Variants in GRIA4 observed in about 807,000 individuals in gnomAD.
The protein encoded by GRIA4 is glutamate receptor 4.
Under a neutral mutation model 104.0 loss-of-function variants are expected in GRIA4, and 34 were observed. That is an observed-to-expected ratio of 0.33 (90% CI 0.25 to 0.44). The LOEUF is 0.44. Ranked by LOEUF, GRIA4 falls within the 20% of genes least tolerant of loss-of-function variation. The pLI is 1.00. For synonymous variants in GRIA4, 386 were observed against 381.9 expected, an observed-to-expected ratio of 1.01 and a Z score of -0.13; for missense variants, 750 against 1,096.5, an observed-to-expected ratio of 0.68 and a Z score of 4.46.
intron 3 of GRIA4, among the ~76,000 whole-genome samples, chr11:105,617,921 G>A (rs968020715): frequency 6.6e-6 from 1 of 151,986 alleles, no homozygotes; most frequent in Non-Finnish European, 1.5e-5. Flanking sequence ...GAGAGAGATG[G>A]ACACGGAAAT....
In GRIA4 at chr11:105,972,669, A is replaced by T. The variant is rs796834230; in HGVS notation, c.2409+641A>T. ...ATTCTTTTTTAAACAATGCAGGAAA[A>T]AAATAAAAAATGCAGGAACCTATAT... On this transcript the variant is annotated intron_variant, in intron 15 of 16. Transcript: ENST00000282499. Among the ~76,000 whole-genome samples the T allele has an allele frequency of 3.3e-5, 5 of 152,176 alleles. No individual in the cohort carries two copies. In the South Asian group the frequency reaches 1.0e-3, roughly 31 times the overall value.
At chr11:105,758,614 T>A (rs939104747) in intron 4 of GRIA4, among the ~76,000 whole-genome samples, 1 of 152,174 alleles carries the variant, frequency 6.6e-6, no homozygotes. Context: ...GAATTTTCCC[T>A]TTTACTACAA....
At chr11:105,629,423 T>C (rs909535077) in intron 3 of GRIA4, among the ~76,000 whole-genome samples, 64 of 152,068 alleles carry the variant, frequency 4.2e-4, no homozygotes, top group African/African-American at 1.5e-3. Flanking sequence ...AAACTCATGA[T>C]TTAGAGATTT....
chr11:105,819,113 C>T (rs184484064), intron 4 of GRIA4, among the ~76,000 whole-genome samples: 1 of 152,216 alleles, frequency 6.6e-6, no homozygotes, highest in African/African-American at 2.4e-5. Context: ...TCCTTTGAGG[C>T]ATGGTGAAAC....
At chr11:105,756,406 C>T (rs930629392) in intron 4 of GRIA4, among the ~76,000 whole-genome samples, 10 of 152,198 alleles carry the variant, frequency 6.6e-5, no homozygotes, top group South Asian at 4.2e-4. Flanking sequence ...TCCTAATTAC[C>T]GCATTCCACC....
At chr11:105,777,201 C>A (rs1591237818) in intron 4 of GRIA4, among the ~76,000 whole-genome samples, 1 of 152,188 alleles carries the variant, frequency 6.6e-6, no homozygotes, top group Non-Finnish European at 1.5e-5. Context: ...CAATAGAGTT[C>A]TTCTTTAATG....
chr11:105,636,979 T>A (rs944782676), intron 3 of GRIA4, among the ~76,000 whole-genome samples: 2 of 152,148 alleles, frequency 1.3e-5, no homozygotes, highest in African/African-American at 2.4e-5. Context: ...AACAATTACC[T>A]CAGCATGTTG....
At chr11:105,836,179 T>C (rs1944177490) in intron 4 of GRIA4, among the ~76,000 whole-genome samples, 1 of 152,088 alleles carries the variant, frequency 6.6e-6, no homozygotes, top group Admixed American at 6.6e-5. Flanking sequence ...TTATCTTGTA[T>C]TCCTTTCTCC....
rs1950432618 is a variant in GRIA4, at chr11:105,610,111, C to T, written c.-408C>T. On this transcript the variant is annotated 5_prime_UTR_variant, in exon 1 of 17. Transcript: ENST00000282499. ...GGCTAGGCTGAGAGGGAAGCCAGGA[C>T]TGTAGGAGAGGGAGGCAGCCCGTCC... 6.6e-6 allele frequency: 1 copy of T among 152,628 alleles called. No individual in the cohort carries two copies. Among genetic ancestry groups the T allele is most frequent in the Non-Finnish European group, 1.5e-5 (1 of 68,388 alleles). The allele number at this position is 152,628 out of a possible 1,614,324, so 9.5% of individuals were successfully genotyped here.
intron 14 of GRIA4, among the ~76,000 whole-genome samples, chr11:105,943,674 G>A (rs1193322874): frequency 6.6e-6 from 1 of 152,054 alleles, no homozygotes; most frequent in Non-Finnish European, 1.5e-5. Context: ...AATCCAGGCA[G>A]TATACCTATA....
chr11:105,814,142 G>A (rs1339611876), intron 4 of GRIA4, among the ~76,000 whole-genome samples: 1 of 152,148 alleles, frequency 6.6e-6, no homozygotes, highest in African/African-American at 2.4e-5. Flanking sequence ...GAGAATCAAG[G>A]CCTTTAGCAC....
chr11:105,673,030 A>G (rs1236968985), intron 3 of GRIA4, among the ~76,000 whole-genome samples: 2 of 152,114 alleles, frequency 1.3e-5, no homozygotes, highest in African/African-American at 2.4e-5. Flanking sequence ...TTAAACCATT[A>G]TAACCTATTC....
chr11:105,701,716 T>C (rs535964242), intron 3 of GRIA4, among the ~76,000 whole-genome samples: 39 of 152,260 alleles, frequency 2.6e-4, no homozygotes, highest in Admixed American at 1.8e-3. Context: ...CTCTTCCACC[T>C]GAAAAGTGCT....
intron 14 of GRIA4, among the ~76,000 whole-genome samples, chr11:105,940,739 T>C (rs1030679284): frequency 9.2e-5 from 14 of 152,170 alleles, no homozygotes; most frequent in African/African-American, 3.4e-4. Context: ...AAAGCACTCA[T>C]CCACAACTTT....
intron 3 of GRIA4, among the ~76,000 whole-genome samples, chr11:105,673,771 C>A (rs920908979): frequency 6.6e-6 from 1 of 151,586 alleles, no homozygotes; most frequent in Non-Finnish European, 1.5e-5. Flanking sequence ...ATTGAATTAA[C>A]GTTTGTTTAA....
intron 14 of GRIA4, among the ~76,000 whole-genome samples, chr11:105,944,329 CA>C (rs751880307): frequency 3.9e-5 from 6 of 152,182 alleles, no homozygotes; most frequent in Admixed American, 1.3e-4. Flanking sequence ...ATAAGTTACC[CA>C]AAGTTAAATA....
At chr11:105,973,347 A>G (rs142040607) in intron 15 of GRIA4, among the ~76,000 whole-genome samples, 2 of 152,244 alleles carry the variant, frequency 1.3e-5, no homozygotes, top group African/African-American at 4.8e-5. Context: ...ACATTATGTA[A>G]TAAGCATATT....
Position 105,952,203 on chromosome 11 carries a change from T to C in GRIA4, c.2294+18234T>C, listed in dbSNP as rs962870926. 5.3e-5 allele frequency among the ~76,000 whole-genome samples: 8 copies of C among 152,308 alleles called. No homozygotes were observed. In the South Asian group the frequency reaches 1.7e-3, roughly 32 times the overall value. On this transcript the variant is annotated intron_variant, in intron 14 of 16. Transcript: ENST00000282499. Reference sequence around the variant, plus strand: ...AAATGTTATTCGAATTTAGAACAGATATATTTTTAATCTGTGTTCAAGTTG... The same window carrying C: ...AAATGTTATTCGAATTTAGAACAGACATATTTTTAATCTGTGTTCAAGTTG...
intron 4 of GRIA4, among the ~76,000 whole-genome samples, chr11:105,812,164 C>CT (rs1943198090): frequency 1.3e-5 from 2 of 152,160 alleles, no homozygotes; most frequent in African/African-American, 2.4e-5. Context: ...TCACAAAGAC[C>CT]TTTGAGTTCC....
Sources: gnomAD v4.1 joint callset for allele counts (sites outside exome capture counted in the v4.1 genomes callset) on GRCh38, gnomAD v4.1.1 for gene constraint, MANE v1.5 for transcripts, NCBI Gene and HGNC (gene_info 2026-07-23, HGNC 2026-07-21) for gene names.